Variants in TGIF1 observed in about 807,000 individuals in gnomAD.
TGIF1 encodes TGFB induced factor homeobox 1.
A neutral mutation model predicts 19.3 loss-of-function variants in TGIF1; 4 were observed. The ratio of observed to expected loss-of-function variants is 0.21; its 90% CI spans 0.10 to 0.47. The LOEUF is 0.47. Among genes scored for constraint, TGIF1 ranks in the 20% least tolerant of loss-of-function variants. The pLI is 0.98. For synonymous variants in TGIF1, 122 were observed against 129.3 expected (o/e 0.94, Z 0.38); for missense variants, 275 against 341.4 (o/e 0.81, Z 1.53).
intron 1 of TGIF1, among the ~76,000 whole-genome samples, chr18:3,453,463 G>T (rs903944517): frequency 2.0e-5 from 3 of 152,002 alleles, no homozygotes; most frequent in Admixed American, 6.6e-5. Flanking sequence ...TAGGCGAGCA[G>T]ATCATCTGAG....
Position 3,456,788 on chromosome 18 carries a change from CT to C in TGIF1, c.243+211del. On this transcript the variant is annotated intron_variant, in intron 2 of 2. Transcript: ENST00000343820. The surrounding 1 kb of genome is among the most constrained non-coding windows in gnomAD (Gnocchi z 4.2). ...ACAGTCATCTATCAGATAGCATTTC[CT>C]TTAATGCCTAAAAGAACCTTCCTTT... 1 of 670,044 alleles carries C rather than the reference CT, an allele frequency of 1.5e-6. No homozygotes were observed. Among genetic ancestry groups the C allele is most frequent in the Admixed American group, 2.3e-5 (1 of 43,540 alleles). The allele number at this position is 670,044 out of a possible 1,614,324, so 41.5% of individuals were successfully genotyped here.
chr18:3,437,175 T>C (rs1161749638), intron 2 of TGIF1, among the ~76,000 whole-genome samples: 1 of 152,130 alleles, frequency 6.6e-6, no homozygotes, highest in Non-Finnish European at 1.5e-5. Context: ...GTGCCAACTC[T>C]TTTTGCACAT....
Position 3,451,809 on chromosome 18 carries a change from G to A in TGIF1, c.16+1304G>A. The A allele has an allele frequency of 2.3e-6, 3 of 1,299,358 alleles. No homozygotes were observed. The highest frequency in any genetic ancestry group is 3.1e-5 in the African/African-American group (2 of 65,304). The allele number at this position is 1,299,358 out of a possible 1,614,324, so 80.5% of individuals were successfully genotyped here. A position where few individuals can be genotyped will look rare whatever the true frequency, so the allele number is the denominator to read the frequency against. ...CCCTAAGGACCCCTCCCCGCGGGACGGAGGGAGGACTCGGGACAGGGAATT... is the reference window on the plus strand; with the variant it reads ...CCCTAAGGACCCCTCCCCGCGGGACAGAGGGAGGACTCGGGACAGGGAATT... On this transcript the variant is annotated intron_variant, in intron 1 of 2. Transcript: ENST00000343820. This position sits in a 1 kb window ranked among gnomAD's most constrained non-coding sequence, Gnocchi z 5.4.
upstream of TGIF1, chr18:3,449,630 C>A: frequency 9.2e-6 from 9 of 980,082 alleles, no homozygotes; most frequent in African/African-American, 1.8e-5. Context: ...GCCCGCGTGT[C>A]AATGGCAGCC....
Position 3,450,399 on chromosome 18 carries a change from C to G in TGIF1, c.-91C>G. On this transcript the variant is annotated 5_prime_UTR_variant, in exon 1 of 3. Coordinates refer to ENST00000343820, the MANE Select transcript of TGIF1 (RefSeq NM_003244.4). ...GTCCTACAAGTTACGGGAGAGTCGGCTGTGAAGGAGACGTTCGCTTATCCC... is the reference window on the plus strand; with the variant it reads ...GTCCTACAAGTTACGGGAGAGTCGGGTGTGAAGGAGACGTTCGCTTATCCC... 1 of 1,547,258 alleles carries G rather than the reference C, an allele frequency of 6.5e-7. No homozygotes were observed. The highest frequency in any genetic ancestry group is 8.7e-7 in the Non-Finnish European group (1 of 1,144,928).
Position 3,451,758 on chromosome 18 carries a change from A to C in TGIF1, c.16+1253A>C. The C allele has an allele frequency of 8.0e-7, 1 of 1,250,066 alleles. No homozygotes were observed. The highest frequency in any genetic ancestry group is 3.6e-5 in the South Asian group (1 of 27,484). 77.4% of individuals were successfully genotyped at this position (1,250,066 alleles called of 1,614,324 possible). ...TGAAATTAAACTTGAAACTCGGATCAACTGGCAGTCGTTGTTGGTAGAACG... is the reference window on the plus strand; with the variant it reads ...TGAAATTAAACTTGAAACTCGGATCCACTGGCAGTCGTTGTTGGTAGAACG... On this transcript the variant is annotated intron_variant, in intron 1 of 2. Transcript: ENST00000343820. The surrounding 1 kb of genome is among the most constrained non-coding windows in gnomAD (Gnocchi z 5.4).
chr18:3,441,471 T>C (rs939455520), intron 2 of TGIF1, among the ~76,000 whole-genome samples: 2 of 152,130 alleles, frequency 1.3e-5, no homozygotes, highest in South Asian at 2.1e-4. Flanking sequence ...GTGTGCGTGG[T>C]AGAATGTTGG....
At chr18:3,424,835 T>G (rs1363563635) in intron 2 of TGIF1, among the ~76,000 whole-genome samples, 1 of 152,228 alleles carries the variant, frequency 6.6e-6, no homozygotes, top group Non-Finnish European at 1.5e-5. Context: ...GTGATATGCC[T>G]GGAGCGGGCA....
chr18:3,445,007 C>A (rs911020795), intron 2 of TGIF1, among the ~76,000 whole-genome samples: 1 of 152,164 alleles, frequency 6.6e-6, no homozygotes, highest in Admixed American at 6.5e-5. Flanking sequence ...GGGAAGGATG[C>A]CACTGGCACA....
rs538954813 is a variant in TGIF1, at chr18:3,435,450, G to A, written c.-45+17235G>A. Among the ~76,000 whole-genome samples, 250 of 152,090 alleles carry A rather than the reference G, an allele frequency of 1.6e-3. 1 individual carries two copies. The highest frequency in any genetic ancestry group is 5.4e-3 in the African/African-American group (224 of 41,476). On this transcript the variant is annotated intron_variant, in intron 2 of 3. Transcript: ENST00000401449. ...TGAGCTCAGGCAATCCGCCTGCCTC[G>A]GCCTCCCAAAGTGCTAGGATTACAG... is the stretch of plus-strand genomic sequence containing the variant.
intron 2 of TGIF1, among the ~76,000 whole-genome samples, chr18:3,434,933 A>G (rs893219596): frequency 3.9e-5 from 6 of 152,298 alleles, no homozygotes; most frequent in African/African-American, 1.4e-4. Flanking sequence ...TAGCTGACTT[A>G]TACAGTCTTC....
chr18:3,423,445 C>T (rs1013426025), intron 2 of TGIF1, among the ~76,000 whole-genome samples: 2 of 151,776 alleles, frequency 1.3e-5, no homozygotes, highest in African/African-American at 2.4e-5. Context: ...TTTGGGAGGC[C>T]AGGGCGGGCA....
chr18:3,447,895 C>A, upstream of TGIF1: 1 of 1,537,330 alleles, frequency 6.5e-7, no homozygotes, highest in Admixed American at 1.7e-5. Context: ...TGTTTTCAAG[C>A]TATAAACCCT....
At chr18:3,432,841 C>T (rs1398380022) in intron 2 of TGIF1, among the ~76,000 whole-genome samples, 4 of 151,910 alleles carry the variant, frequency 2.6e-5, no homozygotes, top group Middle Eastern at 3.4e-3. Context: ...CTCACCACAA[C>T]CTCCGCCGCC....
In TGIF1 at chr18:3,451,413, G is replaced by C; in HGVS notation, c.16+908G>C. ...GTCAGAGTGTGAAGTCCCTTTTGAA[G>C]TTAACAAAAATTGAGTCCCTGGCTG... On this transcript the variant is annotated intron_variant, in intron 1 of 2. Coordinates refer to ENST00000343820, the MANE Select transcript of TGIF1 (RefSeq NM_003244.4). This position sits in a 1 kb window ranked among gnomAD's most constrained non-coding sequence, Gnocchi z 5.4. 1.0e-6 allele frequency: 1 copy of C among 985,438 alleles called. No homozygotes were observed. The highest frequency in any genetic ancestry group is 1.2e-6 in the Non-Finnish European group (1 of 829,936). 61.0% of individuals were successfully genotyped at this position (985,438 alleles called of 1,614,324 possible).
upstream of TGIF1, chr18:3,449,548 C>T (rs1293727884): frequency 1.0e-5 from 10 of 983,272 alleles, no homozygotes; most frequent in Non-Finnish European, 1.2e-5. Context: ...TCCCCCCCGC[C>T]CCACCCCCGC....
chr18:3,420,561 A>G (rs2082387596), intron 2 of TGIF1, among the ~76,000 whole-genome samples: 1 of 152,194 alleles, frequency 6.6e-6, no homozygotes, highest in African/African-American at 2.4e-5. Flanking sequence ...AAAGACAGAG[A>G]CTATCAGAGT....
chr18:3,444,314 T>A (rs1018978772), intron 2 of TGIF1, among the ~76,000 whole-genome samples: 30 of 147,072 alleles, frequency 2.0e-4, no homozygotes, highest in African/African-American at 6.2e-4. Context: ...CTTTTTAAAA[T>A]TTTTTAACTT....
chr18:3,457,398 C>G lies in TGIF1; in HGVS notation c.277C>G (p.Leu93Val), dbSNP rs2143416688. ...CNWFINARRR[L>V]LPDMLRKDGK... Reference sequence around the variant, plus strand: ...CTGGTTCATCAACGCCCGCCGCAGGCTCCTCCCTGACATGCTGAGAAAGGA... The same window carrying G: ...CTGGTTCATCAACGCCCGCCGCAGGGTCCTCCCTGACATGCTGAGAAAGGA... The change falls in exon 3 of 3, where the codon CTC becomes GTC. Residue 93 changes from leucine to valine, a missense_variant. Physicochemically the swap from Leu to Val is conservative, Grantham distance 32. Transcript: ENST00000343820. This position sits in a 1 kb window ranked among gnomAD's most constrained non-coding sequence, Gnocchi z 4.9. 1 of 1,614,242 alleles carries G rather than the reference C, an allele frequency of 6.2e-7. No individual in the cohort carries two copies. The highest frequency in any genetic ancestry group is 1.3e-5 in the African/African-American group (1 of 75,068).
Sources: allele counts gnomAD v4.1 joint callset (sites outside exome capture counted in the v4.1 genomes callset), GRCh38; gene constraint gnomAD v4.1.1; non-coding constraint Gnocchi (gnomAD v3.1); transcripts MANE v1.5; gene names NCBI Gene and HGNC (gene_info 2026-07-23, HGNC 2026-07-21).